TDRD3: variants seen among roughly 807,000 people sequenced by gnomAD.
TDRD3 encodes tudor domain-containing protein 3.
Under a neutral mutation model 86.7 loss-of-function variants are expected in TDRD3, and 45 were observed. The observed-to-expected ratio is 0.52, with a 90% confidence interval of 0.41 to 0.67. The LOEUF (loss-of-function observed/expected upper bound fraction) is 0.67. Among genes scored for constraint, TDRD3 ranks in the 30% least tolerant of loss-of-function variants. The pLI is 0.00. For synonymous variants in TDRD3, 298 were observed against 301.7 expected, an observed-to-expected ratio of 0.99 and a Z score of 0.13; for missense variants, 814 against 889.0, an observed-to-expected ratio of 0.92 and a Z score of 1.07.
intron 5 of TDRD3, among the ~76,000 whole-genome samples, chr13:60,473,712 G>C (rs1956119907): frequency 6.6e-6 from 1 of 152,194 alleles, no homozygotes. Context: ...GGTGAGAAGT[G>C]ACCAGAAGAC....
chr13:60,434,796 A>T (rs1173527651), intron 1 of TDRD3, among the ~76,000 whole-genome samples: 2 of 152,096 alleles, frequency 1.3e-5, no homozygotes, highest in Non-Finnish European at 2.9e-5. Flanking sequence ...GTGTTCAAAG[A>T]TGGCACATGG....
At chr13:60,435,933 C>CTTTTTTTTTTTTTTTTTTTTTTTT (rs1175974016) in intron 1 of TDRD3, among the ~76,000 whole-genome samples, 49 of 114,068 alleles carry the variant, frequency 4.3e-4, no homozygotes, top group South Asian at 9.6e-4. Flanking sequence ...TTTTTTTTTA[C>CTTTTTTTTTTTTTTTTTTTTTTTT]TTTTTAATTA....
chr13:60,563,384 G>A (rs1321783913), intron 12 of TDRD3, among the ~76,000 whole-genome samples: 1 of 152,168 alleles, frequency 6.6e-6, no homozygotes, highest in Admixed American at 6.5e-5. Flanking sequence ...GGTAGAAGCA[G>A]AGGAAGAAAT....
chr13:60,494,322 A>T, intron 7 of TDRD3, 113 bp from the exon 8 acceptor site: 1 of 1,143,638 alleles, frequency 8.7e-7, no homozygotes, highest in Non-Finnish European at 1.2e-6. Flanking sequence ...TTTTCATGTA[A>T]AACATAATTA....
intron 10 of TDRD3, among the ~76,000 whole-genome samples, chr13:60,522,670 G>A (rs1957315073): frequency 6.6e-6 from 1 of 152,176 alleles, no homozygotes; most frequent in Admixed American, 6.5e-5. Flanking sequence ...GCTCTAAATA[G>A]CAATCCAATT....
chr13:60,401,891 G>A (rs1353990495), intron 1 of TDRD3, among the ~76,000 whole-genome samples: 1 of 152,064 alleles, frequency 6.6e-6, no homozygotes, highest in African/African-American at 2.4e-5. Context: ...GCTTATTAAG[G>A]TCTTTGTCAA....
At chr13:60,452,256 GGACCTATCTATTTTTGTTA>G in intron 3 of TDRD3, among the ~76,000 whole-genome samples, 1 of 151,912 alleles carries the variant, frequency 6.6e-6, no homozygotes, top group East Asian at 1.9e-4. Flanking sequence ...CTTTATTCCT[GGACCTATCTATTTTTGTTA>G]TTGTAAATGG....
chr13:60,403,172 G>A (rs1282614063), intron 1 of TDRD3, among the ~76,000 whole-genome samples: 3 of 150,294 alleles, frequency 2.0e-5, no homozygotes, highest in African/African-American at 2.4e-5. Context: ...TATAAATCTA[G>A]TTTCAACTGC....
intron 9 of TDRD3, 37 bp from the exon 10 acceptor site, chr13:60,510,593 C>T (rs1162873666): frequency 1.3e-6 from 2 of 1,520,814 alleles, no homozygotes; most frequent in East Asian, 4.7e-5. Context: ...TTTGTTTTTG[C>T]ATATACAGTA....
At chr13:60,459,978 A>C (rs1418279654) in intron 3 of TDRD3, among the ~76,000 whole-genome samples, 1 of 152,146 alleles carries the variant, frequency 6.6e-6, no homozygotes, top group South Asian at 2.1e-4. Flanking sequence ...AAAACTGCAA[A>C]GTTCTTTATT....
chr13:60,418,356 G>A (rs780643975), intron 1 of TDRD3, among the ~76,000 whole-genome samples: 1 of 151,960 alleles, frequency 6.6e-6, no homozygotes, highest in Non-Finnish European at 1.5e-5. Context: ...TAGAAAGTAG[G>A]TACCCTTCTT....
chr13:60,531,685 T>G (rs1957585477), intron 11 of TDRD3, among the ~76,000 whole-genome samples: 2 of 152,162 alleles, frequency 1.3e-5, no homozygotes, highest in African/African-American at 4.8e-5. Context: ...AAAGCAACTC[T>G]CTACAGGATC....
intron 2 of TDRD3, among the ~76,000 whole-genome samples, chr13:60,442,000 G>A (rs796850624): frequency 2.0e-4 from 31 of 152,200 alleles, no homozygotes; most frequent in African/African-American, 7.0e-4. Flanking sequence ...CAAGTGCAAA[G>A]TCCCTAGCTG....
chr13:60,409,870 G>A (rs1238367105), intron 1 of TDRD3, among the ~76,000 whole-genome samples: 3 of 152,274 alleles, frequency 2.0e-5, no homozygotes, highest in South Asian at 2.1e-4. Flanking sequence ...GAGATTTGGA[G>A]GGGCCAGGGT....
chr13:60,481,912 C>A (rs1956326716), intron 5 of TDRD3, among the ~76,000 whole-genome samples: 1 of 152,158 alleles, frequency 6.6e-6, no homozygotes, highest in African/African-American at 2.4e-5. Context: ...ATCAGTTTGA[C>A]CCCTTCAAGA....
intron 12 of TDRD3, among the ~76,000 whole-genome samples, 181 bp from the exon 13 acceptor site, chr13:60,567,344 T>TTTTTCTTTTCGTTTC (rs1555294958): frequency 4.0e-5 from 6 of 151,364 alleles, no homozygotes; most frequent in African/African-American, 1.5e-4. Flanking sequence ...TATCCCTGCC[T>TTTTTCTTTTCGTTTC]TTTTCTTTTC....
chr13:60,532,813 A>C (rs1338372377), intron 11 of TDRD3, among the ~76,000 whole-genome samples: 1 of 152,038 alleles, frequency 6.6e-6, no homozygotes, highest in Non-Finnish European at 1.5e-5. Flanking sequence ...ATTCCTTTTA[A>C]ATTTGTCCTC....
chr13:60,519,334 G>A (rs1384116115), intron 10 of TDRD3, among the ~76,000 whole-genome samples: 1 of 152,092 alleles, frequency 6.6e-6, no homozygotes, highest in African/African-American at 2.4e-5. Flanking sequence ...CCGTTTGACA[G>A]ATAAGGAAAT....
intron 1 of TDRD3, among the ~76,000 whole-genome samples, chr13:60,412,585 T>A (rs1414040782): frequency 2.0e-5 from 3 of 152,186 alleles, no homozygotes; most frequent in Non-Finnish European, 4.4e-5. Context: ...GATGCTTTTT[T>A]AATGAAATGA....
Sources: allele counts gnomAD v4.1 joint callset (sites outside exome capture counted in the v4.1 genomes callset), GRCh38; gene constraint gnomAD v4.1.1; transcripts MANE v1.5; gene names NCBI Gene and HGNC (gene_info 2026-07-23, HGNC 2026-07-21).